Variants in CNTNAP2 observed in about 807,000 individuals in gnomAD.
The protein encoded by CNTNAP2 is contactin-associated protein-like 2.
CNTNAP2 carries 98 observed loss-of-function variants against 155.2 expected under a neutral mutation model. The ratio of observed to expected loss-of-function variants is 0.63; its 90% CI spans 0.54 to 0.75. The LOEUF (loss-of-function observed/expected upper bound fraction) is 0.75, where lower values mean the gene tolerates loss of function less well. CNTNAP2 is among the 30% of genes least tolerant of loss of function. The pLI is 0.00. For missense variants in CNTNAP2, 1,727 were observed against 1,688.1 expected (o/e 1.02, Z -0.40); for synonymous variants, 651 against 631.2 (o/e 1.03, Z -0.47).
At chr7:146,782,198 C>G (rs774792588) in intron 2 of CNTNAP2, 3 of 152,148 alleles carry the variant, frequency 2.0e-5, no homozygotes, top group Admixed American at 1.3e-4. Context: ...TTCTCCTTTT[C>G]TCACTCACAG....
intron 10 of CNTNAP2, among the ~76,000 whole-genome samples, chr7:147,467,615 A>C (rs940270413): frequency 1.3e-5 from 2 of 152,220 alleles, no homozygotes; most frequent in African/African-American, 2.4e-5. Flanking sequence ...TTAAAAGCTC[A>C]GACTTCACCA....
intron 21 of CNTNAP2, among the ~76,000 whole-genome samples, chr7:148,302,475 C>G (rs377080573): frequency 3.3e-5 from 5 of 152,132 alleles, no homozygotes; most frequent in African/African-American, 1.2e-4. Flanking sequence ...CCCATTCCTC[C>G]TGTGTCCCCA....
rs541988601 is a variant in CNTNAP2 at position 147,534,484 on chromosome 7, G to C, written c.1778-27654G>C. 1.4e-3 allele frequency among the ~76,000 whole-genome samples: 218 copies of C among 152,236 alleles called. 1 individual carries two copies. Among genetic ancestry groups the C allele is most frequent in the African/African-American group, 5.2e-3 (215 of 41,538 alleles). ...CCAGTAGTACCCTTACACGGAACAG[G>C]ATAGGGCAATCATATGATTCTGAAT... On this transcript the variant is annotated intron_variant, in intron 11 of 23. Coordinates refer to ENST00000361727, the MANE Select transcript of CNTNAP2 (RefSeq NM_014141.6).
chr7:146,353,416 C>T (rs372285815), intron 1 of CNTNAP2, among the ~76,000 whole-genome samples: 8 of 152,260 alleles, frequency 5.3e-5, no homozygotes, highest in African/African-American at 1.9e-4. Flanking sequence ...CAATTGTTGA[C>T]ATGCCATTCT....
At chr7:147,955,462 G>C (rs1203308512) in intron 14 of CNTNAP2, among the ~76,000 whole-genome samples, 1 of 152,260 alleles carries the variant, frequency 6.6e-6, no homozygotes, top group Non-Finnish European at 1.5e-5. Flanking sequence ...ACACCCATGA[G>C]TGAATGAGAG....
intron 20 of CNTNAP2, among the ~76,000 whole-genome samples, chr7:148,253,043 T>C (rs1242234367): frequency 0.023 from 2,977 of 132,272 alleles, 30 homozygotes; most frequent in African/African-American, 0.032. Flanking sequence ...GATAGATAGA[T>C]AGATAGACAG....
At chr7:146,822,491 A>G (rs1404729839) in intron 2 of CNTNAP2, among the ~76,000 whole-genome samples, 2 of 151,438 alleles carry the variant, frequency 1.3e-5, no homozygotes, top group Admixed American at 6.6e-5. Flanking sequence ...AAAATTTAAA[A>G]AAAAAAAACT....
chr7:146,695,139 C>A lies in CNTNAP2; in HGVS notation c.98-79132C>A, dbSNP rs376288412. The stretch of plus-strand genomic sequence containing the variant: ...CAATGTTGAATAGGAGTGGTGAGAC[C>A]AGACACCCTTGTCTTGTTCTCTCTC... On this transcript the variant is annotated intron_variant, in intron 1 of 23. Transcript: ENST00000361727. Among the ~76,000 whole-genome samples the A allele has an allele frequency of 2.1e-3, 319 of 152,136 alleles. 3 individuals are homozygous for A. The highest frequency in any genetic ancestry group is 7.6e-3 in the African/African-American group (314 of 41,516).
chr7:147,863,108 G>A (rs1799165273), intron 13 of CNTNAP2, among the ~76,000 whole-genome samples: 1 of 152,092 alleles, frequency 6.6e-6, no homozygotes, highest in African/African-American at 2.4e-5. Flanking sequence ...AGGCCCCAGT[G>A]TGTGATGTTC....
At chr7:148,147,761 TGC>T in intron 17 of CNTNAP2, 52 bp downstream of exon 17, 1 of 1,491,222 alleles carries the variant, frequency 6.7e-7, no homozygotes, top group Admixed American at 2.0e-5. Flanking sequence ...TTTAAGAGCC[TGC>T]ACAATACAAA....
In CNTNAP2 at chr7:146,234,292, C is replaced by T. The variant is rs182455570; in HGVS notation, c.97+117319C>T. Among the ~76,000 whole-genome samples the T allele has an allele frequency of 4.1e-3, 622 of 152,232 alleles. 4 individuals are homozygous for T. The highest frequency in any genetic ancestry group is 0.014 in the African/African-American group (582 of 41,536). On this transcript the variant is annotated intron_variant, in intron 1 of 23. Coordinates refer to ENST00000361727, the MANE Select transcript of CNTNAP2 (RefSeq NM_014141.6). ...TTGAGAAGTATCTGTTCATGTCCTTCGCCCACTTTTTGATGGGGTTGTTTT... is the reference window on the plus strand; with the variant it reads ...TTGAGAAGTATCTGTTCATGTCCTTTGCCCACTTTTTGATGGGGTTGTTTT...
intron 1 of CNTNAP2, among the ~76,000 whole-genome samples, chr7:146,146,753 T>A (rs572121474): frequency 9.9e-5 from 15 of 152,194 alleles, no homozygotes; most frequent in Admixed American, 2.0e-4. Flanking sequence ...CTAAACAATA[T>A]ATGAACTTTT....
chr7:147,762,055 A>C (rs10282687), intron 13 of CNTNAP2, among the ~76,000 whole-genome samples: 9,396 of 152,036 alleles, frequency 0.062, 930 homozygotes, highest in African/African-American at 0.21. Context: ...TAGAATTTCC[A>C]TCATAGTCTC....
At chr7:147,703,690 A>G (rs1214978453) in intron 13 of CNTNAP2, among the ~76,000 whole-genome samples, 2 of 152,188 alleles carry the variant, frequency 1.3e-5, no homozygotes, top group African/African-American at 4.8e-5. Flanking sequence ...TGGAGTATAC[A>G]TCATTTCTAT....
chr7:146,580,066 T>C (rs116269390), intron 1 of CNTNAP2, among the ~76,000 whole-genome samples: 1 of 152,150 alleles, frequency 6.6e-6, no homozygotes, highest in Non-Finnish European at 1.5e-5. Context: ...GCTTAAGGCA[T>C]GTATTTTCAG....
intron 12 of CNTNAP2, among the ~76,000 whole-genome samples, chr7:147,618,394 C>A (rs1472613316): frequency 6.6e-6 from 1 of 152,002 alleles, no homozygotes; most frequent in African/African-American, 2.4e-5. Flanking sequence ...AAACAAGGAT[C>A]ATTTCAGAGA....
chr7:147,089,193 A>G (rs963003721), intron 4 of CNTNAP2, among the ~76,000 whole-genome samples: 3 of 152,140 alleles, frequency 2.0e-5, no homozygotes, highest in African/African-American at 7.2e-5. Flanking sequence ...AATTATCTGT[A>G]TGTTCCGTGT....
intron 3 of CNTNAP2, among the ~76,000 whole-genome samples, chr7:146,878,238 A>G (rs1482113981): frequency 6.6e-6 from 1 of 152,132 alleles, no homozygotes; most frequent in Non-Finnish European, 1.5e-5. Context: ...TGTCAGTGAC[A>G]TTAATTGACT....
intron 4 of CNTNAP2, among the ~76,000 whole-genome samples, chr7:147,093,513 G>A (rs551026594): frequency 1.8e-4 from 28 of 152,226 alleles, no homozygotes; most frequent in African/African-American, 5.5e-4. Flanking sequence ...CACTGATTTA[G>A]CGAATACTGA....
Sources: allele counts gnomAD v4.1 joint callset (sites outside exome capture counted in the v4.1 genomes callset), GRCh38; gene constraint gnomAD v4.1.1; transcripts MANE v1.5; gene names NCBI Gene and HGNC (gene_info 2026-07-23, HGNC 2026-07-21).